PCDH11X: variants seen among roughly 807,000 people sequenced by gnomAD.
PCDH11X encodes the protein protocadherin 11 X-linked, also known as protocadherin-11 X-linked.
Under a neutral mutation model 53.3 loss-of-function variants are expected in PCDH11X, and 18 were observed. That is an observed-to-expected ratio of 0.34 (90% CI 0.23 to 0.50). The LOEUF (loss-of-function observed/expected upper bound fraction) is 0.50. PCDH11X is among the 20% of genes least tolerant of loss of function. The pLI, the probability that PCDH11X is intolerant of heterozygous loss-of-function variation, is 0.98. For missense variants in PCDH11X, 570 were observed against 1,032.4 expected, an observed-to-expected ratio of 0.55 and a Z score of 6.14; for synonymous variants, 279 against 393.3, an observed-to-expected ratio of 0.71 and a Z score of 3.44.
intron 6 of PCDH11X, among the ~76,000 whole-genome samples, chrX:92,072,691 TCATTCTC>T (rs1017039775): frequency 1.8e-5 from 2 of 111,447 alleles, no homozygotes; most frequent in African/African-American, 6.5e-5. Context: ...TCTTTATTCT[TCATTCTC>T]CTCTTGTTAA....
chrX:91,799,089 AT>A (rs1383730019), intron 1 of PCDH11X, among the ~76,000 whole-genome samples: 2 of 111,077 alleles, frequency 1.8e-5, no homozygotes, highest in African/African-American at 6.5e-5. Context: ...TGAATAGCTT[AT>A]TTTTTACCTA....
chrX:92,004,381 A>G (rs1229550135), intron 6 of PCDH11X, among the ~76,000 whole-genome samples: 4 of 111,114 alleles, frequency 3.6e-5, no homozygotes, highest in Non-Finnish European at 5.7e-5. Context: ...TGTTCTGTAA[A>G]TATCTATTAG....
chrX:92,272,345 G>C (rs958083899), intron 8 of PCDH11X, among the ~76,000 whole-genome samples: 1 of 111,380 alleles, frequency 9.0e-6, no homozygotes, highest in Non-Finnish European at 1.9e-5. Context: ...TTTGTTCCTC[G>C]TTATACATTT....
At chrX:92,561,134 G>C (rs959901999) in intron 10 of PCDH11X, among the ~76,000 whole-genome samples, 1 of 103,556 alleles carries the variant, frequency 9.7e-6, no homozygotes, top group Non-Finnish European at 2.0e-5. Flanking sequence ...CACAGTGTTA[G>C]TGGGCTTGAA....
chrX:92,397,384 A>C (rs1249442265), intron 9 of PCDH11X, among the ~76,000 whole-genome samples: 1 of 108,338 alleles, frequency 9.2e-6, no homozygotes, highest in Non-Finnish European at 1.9e-5. Flanking sequence ...TGATTGTTCC[A>C]TTTAACTGTA....
intron 6 of PCDH11X, among the ~76,000 whole-genome samples, chrX:92,097,981 T>C (rs2064168418): frequency 9.0e-6 from 1 of 111,063 alleles, no homozygotes; most frequent in Non-Finnish European, 1.9e-5. Flanking sequence ...GTTATTTGTA[T>C]TGGGCTTTTA....
intron 10 of PCDH11X, 145 bp downstream of exon 10, chrX:92,468,467 A>C: frequency 2.0e-6 from 1 of 491,791 alleles, no homozygotes; most frequent in Non-Finnish European, 3.0e-6. Context: ...GATACATTTA[A>C]AATATCTGAA....
intron 10 of PCDH11X, among the ~76,000 whole-genome samples, chrX:92,551,286 G>A (rs1203138126): frequency 9.0e-6 from 1 of 110,853 alleles, no homozygotes; most frequent in Non-Finnish European, 1.9e-5. Flanking sequence ...AATTTAACTG[G>A]GTTGAGAGGA....
intron 7 of PCDH11X, among the ~76,000 whole-genome samples, chrX:92,222,870 C>T (rs1284841537): frequency 8.9e-6 from 1 of 112,131 alleles, no homozygotes; most frequent in Non-Finnish European, 1.9e-5. Context: ...ATCATCCTAG[C>T]TTCAAGTTTT....
intron 8 of PCDH11X, among the ~76,000 whole-genome samples, chrX:92,348,516 TTATTA>T (rs1569470871): frequency 2.4e-4 from 10 of 41,786 alleles, no homozygotes; most frequent in East Asian, 1.0e-3. Flanking sequence ...ATTATCATTA[TTATTA>T]TTATTATTAT....
chrX:92,147,491 C>A (rs1330584823), intron 6 of PCDH11X, among the ~76,000 whole-genome samples: 2 of 112,062 alleles, frequency 1.8e-5, no homozygotes, highest in East Asian at 2.8e-4. Context: ...GACAAATAAA[C>A]AAGGGTTAGA....
intron 6 of PCDH11X, among the ~76,000 whole-genome samples, chrX:91,905,747 A>ATTT (rs1941129961): frequency 9.0e-6 from 1 of 111,138 alleles, no homozygotes; most frequent in African/African-American, 3.3e-5. Flanking sequence ...TTACTAAGGT[A>ATTT]TGAAATGACA....
At chrX:91,852,488 C>T (rs1394151164) in intron 5 of PCDH11X, among the ~76,000 whole-genome samples, 1 of 110,811 alleles carries the variant, frequency 9.0e-6, no homozygotes, top group Non-Finnish European at 1.9e-5. Context: ...TATATTTTCT[C>T]AGAGTCTTTT....
intron 1 of PCDH11X, among the ~76,000 whole-genome samples, chrX:91,789,200 C>CAAAAAAAAAAAAAAAAAAAAAAAA (rs764959497): frequency 3.6e-4 from 17 of 47,161 alleles, no homozygotes; most frequent in Non-Finnish European, 4.9e-4. Context: ...GACTCCGTCT[C>CAAAAAAAAAAAAAAAAAAAAAAAA]AAAAAAAAAA....
At chrX:92,250,250 ATAGT>A (rs1343832066) in intron 7 of PCDH11X, among the ~76,000 whole-genome samples, 1 of 111,227 alleles carries the variant, frequency 9.0e-6, no homozygotes, top group Non-Finnish European at 1.9e-5. Context: ...TTGGATAGGA[ATAGT>A]TAGTTTTGAA....
At chrX:92,262,818 C>G (rs772950796) in intron 7 of PCDH11X, among the ~76,000 whole-genome samples, 13 of 110,811 alleles carry the variant, frequency 1.2e-4, no homozygotes, top group Non-Finnish European at 2.5e-4. Flanking sequence ...TTGGTTAATG[C>G]GTAAGTGAGC....
intron 4 of PCDH11X, among the ~76,000 whole-genome samples, chrX:91,820,195 G>C (rs1258058136): frequency 4.6e-5 from 4 of 87,891 alleles, no homozygotes; most frequent in African/African-American, 2.1e-4. Context: ...CCAGTAATGG[G>C]ATGGCTGGGT....
Position 91,878,813 on chromosome X carries a change from A to G in PCDH11X, c.2573A>G (p.Asn858Ser), listed in dbSNP as rs773471845. The G allele has an allele frequency of 1.2e-5, 15 of 1,209,382 alleles. No individual in the cohort carries two copies. In the East Asian group the frequency reaches 4.2e-4, roughly 33 times the overall value. The change falls in exon 6 of 11, where the codon AAC (asparagine) becomes AGC (serine). Residue 858 changes from asparagine (N) to serine (S), a missense_variant. By Grantham distance (46) the Asn-to-Ser change is conservative. This residue lies in a region of PCDH11X where 226 missense variants were observed against 457.5 expected (regional missense o/e 0.49). Coordinates refer to ENST00000682573, the MANE Select transcript of PCDH11X (RefSeq NM_032968.5). ...CAGAATTCTGAATGGGCTACCCCAA[A>G]CCCAGAAAACAGGCAGATGATAATG... ...NKQNSEWATPNPENRQMIMMK... is the reference protein window; with the variant it reads ...NKQNSEWATPSPENRQMIMMK...
intron 8 of PCDH11X, among the ~76,000 whole-genome samples, chrX:92,339,469 T>A (rs1354606317): frequency 9.0e-6 from 1 of 111,231 alleles, no homozygotes; most frequent in Non-Finnish European, 1.9e-5. Context: ...GAAAAGAGAT[T>A]TAATTGGCTT....
Sources: gnomAD v4.1 joint callset for allele counts (sites outside exome capture counted in the v4.1 genomes callset) on GRCh38, gnomAD v4.1.1 for gene constraint, gnomAD v4.1.1 regional missense constraint, MANE v1.5 for transcripts, NCBI Gene and HGNC (gene_info 2026-07-23, HGNC 2026-07-21) for gene names.